The following BTBD9 variants were observed in gnomAD, a reference collection of about 807,000 sequenced individuals.
BTBD9 encodes BTB/POZ domain-containing protein 9.
In BTBD9, 49 loss-of-function variants were observed where a neutral mutation model predicts 64.3. The observed-to-expected ratio is 0.76, with a 90% CI of 0.61 to 0.97. BTBD9 has a LOEUF of 0.97. BTBD9 is among the 50% of genes least tolerant of loss of function. The pLI is 0.00. For missense variants in BTBD9, 598 were observed against 762.1 expected, an observed-to-expected ratio of 0.78 and a Z score of 2.53; for synonymous variants, 260 against 274.7, an observed-to-expected ratio of 0.95 and a Z score of 0.53.
intron 6 of BTBD9, among the ~76,000 whole-genome samples, chr6:38,396,263 A>G (rs376829966): frequency 3.3e-5 from 5 of 152,206 alleles, no homozygotes; most frequent in African/African-American, 1.2e-4. Context: ...CTTGTTTGGG[A>G]ACTGAACAGA....
At chr6:38,183,189 C>G (rs558732055) in intron 10 of BTBD9, among the ~76,000 whole-genome samples, 8 of 152,170 alleles carry the variant, frequency 5.3e-5, no homozygotes, top group African/African-American at 4.8e-5. Context: ...ACCGTGTTAG[C>G]CAGGATGGTC....
intron 6 of BTBD9, among the ~76,000 whole-genome samples, chr6:38,575,820 C>T (rs1775998412): frequency 6.6e-6 from 1 of 151,800 alleles, no homozygotes; most frequent in African/African-American, 2.4e-5. Flanking sequence ...GCTGGCTATA[C>T]CAAGACAAAA....
intron 8 of BTBD9, among the ~76,000 whole-genome samples, chr6:38,273,584 G>A (rs1765266917): frequency 6.6e-6 from 1 of 152,084 alleles, no homozygotes; most frequent in African/African-American, 2.4e-5. Flanking sequence ...GTTGACTACA[G>A]GCAACTAAAA....
At chr6:38,209,624 C>T (rs1762765241) in intron 9 of BTBD9, among the ~76,000 whole-genome samples, 1 of 152,146 alleles carries the variant, frequency 6.6e-6, no homozygotes, top group African/African-American at 2.4e-5. Context: ...GGGGTGGGCC[C>T]TGCTTGAGTC....
At chr6:38,358,505 A>G (rs1764819452) in intron 6 of BTBD9, among the ~76,000 whole-genome samples, 1 of 152,188 alleles carries the variant, frequency 6.6e-6, no homozygotes, top group Admixed American at 6.5e-5. Context: ...CCGCAGCAGC[A>G]AAACGGGAGG....
At chr6:38,421,774 A>C (rs1051186213) in intron 6 of BTBD9, among the ~76,000 whole-genome samples, 2 of 152,254 alleles carry the variant, frequency 1.3e-5, no homozygotes, top group East Asian at 1.9e-4. Context: ...TTAAATTATC[A>C]ATGAAATAAT....
chr6:38,537,209 T>C (rs370772381), intron 6 of BTBD9, among the ~76,000 whole-genome samples: 2 of 152,316 alleles, frequency 1.3e-5, no homozygotes, highest in African/African-American at 4.8e-5. Flanking sequence ...ACAGGAATTA[T>C]GGGGGTGCTT....
rs551912939 is a variant in BTBD9, at chr6:38,512,400, T to C, written c.1154+65200A>G. Among the ~76,000 whole-genome samples the C allele has an allele frequency of 8.5e-5, 13 of 152,362 alleles. No homozygotes were observed. The East Asian group carries it at 2.3e-3, about 27-fold the overall frequency. ...TATTAATTAGGTGTCAACATTTAGA[T>C]GACCCATGTAAAATTCACTCTTCCA... On this transcript the variant is annotated intron_variant, in intron 6 of 10. Transcript: ENST00000481247.
At chr6:38,352,755 C>A (rs1406841130) in intron 6 of BTBD9, among the ~76,000 whole-genome samples, 1 of 152,192 alleles carries the variant, frequency 6.6e-6, no homozygotes, top group East Asian at 1.9e-4. Context: ...ACTACTCTTG[C>A]TTCAAAGACC....
At chr6:38,266,888 T>C (rs1364832986) in intron 8 of BTBD9, among the ~76,000 whole-genome samples, 2 of 152,242 alleles carry the variant, frequency 1.3e-5, no homozygotes, top group South Asian at 2.1e-4. Context: ...AGTCACAATA[T>C]GTTACAGACC....
At chr6:38,538,638 C>T (rs934573524) in intron 6 of BTBD9, among the ~76,000 whole-genome samples, 1 of 152,084 alleles carries the variant, frequency 6.6e-6, no homozygotes, top group African/African-American at 2.4e-5. Flanking sequence ...CCCCGCCCCC[C>T]AAAAGAGACA....
chr6:38,276,566 T>C (rs1001827004), intron 8 of BTBD9, among the ~76,000 whole-genome samples: 10 of 152,156 alleles, frequency 6.6e-5, no homozygotes, highest in Admixed American at 6.5e-4. Flanking sequence ...GTACTTCTTC[T>C]CCCAAGATTT....
chr6:38,227,889 T>C (rs1307780841), intron 9 of BTBD9, among the ~76,000 whole-genome samples: 5 of 152,136 alleles, frequency 3.3e-5, no homozygotes, highest in African/African-American at 1.2e-4. Flanking sequence ...GAATCCTAAC[T>C]TACATGACAT....
intron 9 of BTBD9, among the ~76,000 whole-genome samples, chr6:38,217,854 AGGCAGAGGCT>A (rs1407901357): frequency 3.3e-5 from 5 of 152,050 alleles, no homozygotes; most frequent in South Asian, 4.2e-4. Flanking sequence ...AAGTCAAACG[AGGCAGAGGCT>A]GGCAGAGGCT....
chr6:38,480,323 C>CA (rs571997268), intron 6 of BTBD9, among the ~76,000 whole-genome samples: 4 of 152,324 alleles, frequency 2.6e-5, no homozygotes, highest in African/African-American at 7.2e-5. Context: ...ATTCAACACT[C>CA]AGAGTACCTC....
At chr6:38,405,334 T>C (rs1418179465) in intron 6 of BTBD9, among the ~76,000 whole-genome samples, 1 of 152,152 alleles carries the variant, frequency 6.6e-6, no homozygotes, top group African/African-American at 2.4e-5. Context: ...GGACAGTCAT[T>C]GTAGGGCTCC....
intron 9 of BTBD9, among the ~76,000 whole-genome samples, chr6:38,210,536 T>TTGTGTG (rs71542165): frequency 0.013 from 1,955 of 146,414 alleles, 37 homozygotes; most frequent in African/African-American, 0.042. Flanking sequence ...GTGCGTGTGT[T>TTGTGTG]TGTGTGTGTG....
At chr6:38,313,901 C>A (rs939971906) in intron 7 of BTBD9, among the ~76,000 whole-genome samples, 1 of 151,540 alleles carries the variant, frequency 6.6e-6, no homozygotes, top group African/African-American at 2.4e-5. Context: ...GGGTGCATAC[C>A]CCCACATCCG....
chr6:38,480,899 T>C (rs1771110689), intron 6 of BTBD9, among the ~76,000 whole-genome samples: 1 of 152,194 alleles, frequency 6.6e-6, no homozygotes. Context: ...TGGGTATGAA[T>C]GTGCGCTCTG....
Sources: allele counts gnomAD v4.1 joint callset (sites outside exome capture counted in the v4.1 genomes callset), GRCh38; gene constraint gnomAD v4.1.1; transcripts MANE v1.5; gene names NCBI Gene and HGNC (gene_info 2026-07-23, HGNC 2026-07-21).